CSMD1: variants seen among roughly 807,000 people sequenced by gnomAD.
CSMD1 encodes the protein CUB and Sushi multiple domains 1.
CSMD1 carries 213 observed loss-of-function variants against 417.5 expected under a neutral mutation model. The observed-to-expected ratio is 0.51, with a 90% CI of 0.46 to 0.57. CSMD1 has a LOEUF of 0.57. CSMD1 is among the 20% of genes least tolerant of loss of function. The pLI is 0.00. For missense variants in CSMD1, 6,923 were observed against 4,529.7 expected, an observed-to-expected ratio of 1.53 and a Z score of -15.17; for synonymous variants, 2,862 against 1,736.8, an observed-to-expected ratio of 1.65 and a Z score of -16.11.
chr8:3,412,948 T>C (rs73657853), intron 12 of CSMD1, among the ~76,000 whole-genome samples: 15,015 of 152,014 alleles, frequency 0.099, 921 homozygotes, highest in East Asian at 0.25. Context: ...GCGCCCAGGG[T>C]CCTGGCATAG....
At chr8:3,109,152 C>G (rs1301151196) in intron 43 of CSMD1, among the ~76,000 whole-genome samples, 3 of 152,218 alleles carry the variant, frequency 2.0e-5, no homozygotes, top group Admixed American at 1.3e-4. Flanking sequence ...GTAGTCCCAG[C>G]TACTCGGCAG....
At chr8:3,953,849 A>G (rs1811744916) in intron 5 of CSMD1, among the ~76,000 whole-genome samples, 1 of 152,216 alleles carries the variant, frequency 6.6e-6, no homozygotes, top group East Asian at 1.9e-4. Context: ...AGAGAGCCTA[A>G]TGTTCTGGGT....
intron 7 of CSMD1, among the ~76,000 whole-genome samples, chr8:3,674,539 T>C (rs1383391505): frequency 6.6e-6 from 1 of 152,132 alleles, no homozygotes; most frequent in Non-Finnish European, 1.5e-5. Context: ...ACAATATTAT[T>C]AATTAAATGC....
chr8:4,146,661 G>A (rs896597153), intron 3 of CSMD1, among the ~76,000 whole-genome samples: 3 of 124,256 alleles, frequency 2.4e-5, no homozygotes, highest in Non-Finnish European at 4.8e-5. Flanking sequence ...CCCCAGGCTG[G>A]AGCGCAGTGG....
intron 11 of CSMD1, among the ~76,000 whole-genome samples, chr8:3,482,701 C>A (rs1157218407): frequency 1.3e-5 from 2 of 152,228 alleles, no homozygotes; most frequent in South Asian, 4.1e-4. Flanking sequence ...CTATGAAAAG[C>A]TGACAAAAGA....
At chr8:4,978,867 G>T (rs1563921160) in intron 1 of CSMD1, among the ~76,000 whole-genome samples, 1 of 138,740 alleles carries the variant, frequency 7.2e-6, no homozygotes, top group Admixed American at 7.0e-5. Context: ...GAACCCAGGA[G>T]GCGGAGGTTG....
Position 3,586,145 on chromosome 8 carries a change from T to A in CSMD1, c.1213A>T (p.Ile405Phe). Residue 405 changes from isoleucine to phenylalanine, a missense_variant, in exon 9 of 70, where the codon ATC (isoleucine) becomes TTC (phenylalanine). Ile to Phe is a conservative substitution (Grantham distance 21). Coordinates refer to ENST00000635120, the MANE Select transcript of CSMD1 (RefSeq NM_033225.6). ...ACCGCAGGTGCCTTACCTCGGCAGA[T>A]GGGCCTGTGGTCACTCCAAGCAGCG... ...TLAAWSDHRPICRARTCGSNL... is the reference protein window; with the variant it reads ...TLAAWSDHRPFCRARTCGSNL... 6.2e-7 allele frequency: 1 copy of A among 1,612,130 alleles called. No homozygotes were observed.
chr8:4,905,171 A>G (rs895725089), intron 1 of CSMD1, among the ~76,000 whole-genome samples: 2 of 152,214 alleles, frequency 1.3e-5, no homozygotes, highest in East Asian at 1.9e-4. Flanking sequence ...ATTCGAACAC[A>G]TCTCTGAAAA....
intron 5 of CSMD1, among the ~76,000 whole-genome samples, chr8:3,835,823 G>A (rs1050629989): frequency 6.6e-6 from 1 of 151,840 alleles, no homozygotes; most frequent in Non-Finnish European, 1.5e-5. Context: ...TTCAGTCTAG[G>A]AGTTCTTCTG....
chr8:4,528,666 G>A (rs1585206851), intron 2 of CSMD1, among the ~76,000 whole-genome samples: 1 of 152,124 alleles, frequency 6.6e-6, no homozygotes. Context: ...TGGTTTCATG[G>A]TGTACACCCC....
intron 10 of CSMD1, among the ~76,000 whole-genome samples, chr8:3,542,513 T>C (rs1458318315): frequency 1.3e-5 from 2 of 152,152 alleles, no homozygotes; most frequent in Non-Finnish European, 2.9e-5. Flanking sequence ...AGTGACTACA[T>C]CCTGTGTCAG....
chr8:4,370,499 G>C (rs13269939), intron 3 of CSMD1, among the ~76,000 whole-genome samples: 79,269 of 152,014 alleles, frequency 0.52, 20,725 homozygotes, highest in Middle Eastern at 0.57. Context: ...AATGGGACTG[G>C]AAGGATTTCC....
intron 10 of CSMD1, among the ~76,000 whole-genome samples, chr8:3,500,596 G>T (rs1370123057): frequency 6.6e-6 from 1 of 152,160 alleles, no homozygotes; most frequent in African/African-American, 2.4e-5. Context: ...AGAATCTGTG[G>T]TAGGGAGGAC....
chr8:4,482,580 G>C (rs1013702784), intron 2 of CSMD1, among the ~76,000 whole-genome samples: 3 of 152,182 alleles, frequency 2.0e-5, no homozygotes, highest in African/African-American at 7.2e-5. Context: ...CTTTGTGGTA[G>C]AATGTTTTAT....
At chr8:4,512,928 A>T (rs1802905015) in intron 2 of CSMD1, among the ~76,000 whole-genome samples, 1 of 152,168 alleles carries the variant, frequency 6.6e-6, no homozygotes, top group Non-Finnish European at 1.5e-5. Flanking sequence ...ATATGATTCC[A>T]ACTGTGTAAT....
At chr8:4,655,410 C>CA (rs1804165663) in intron 1 of CSMD1, among the ~76,000 whole-genome samples, 1 of 151,892 alleles carries the variant, frequency 6.6e-6, no homozygotes, top group African/African-American at 2.4e-5. Flanking sequence ...AAATGTTAAA[C>CA]AAAAACAATT....
intron 53 of CSMD1, 40 bp from the exon 54 acceptor site, chr8:2,998,224 C>G: frequency 1.3e-6 from 2 of 1,587,958 alleles, no homozygotes; most frequent in Non-Finnish European, 1.7e-6. Flanking sequence ...AAATATTGAA[C>G]AGGTCATCAC....
chr8:3,073,769 T>C (rs974496506), intron 49 of CSMD1, among the ~76,000 whole-genome samples: 2 of 146,004 alleles, frequency 1.4e-5, no homozygotes, highest in Non-Finnish European at 3.0e-5. Flanking sequence ...TAAAAAAATA[T>C]AAAATATAAT....
chr8:4,001,603 T>C (rs902462643), intron 4 of CSMD1, among the ~76,000 whole-genome samples: 3 of 152,162 alleles, frequency 2.0e-5, no homozygotes, highest in Non-Finnish European at 4.4e-5. Flanking sequence ...TAAACTGCAA[T>C]GTTATGCCCC....
Sources: gnomAD v4.1 joint callset for allele counts (sites outside exome capture counted in the v4.1 genomes callset) on GRCh38, gnomAD v4.1.1 for gene constraint, MANE v1.5 for transcripts, NCBI Gene and HGNC (gene_info 2026-07-23, HGNC 2026-07-21) for gene names.